ANKIB1: variants seen among roughly 807,000 people sequenced by gnomAD.
ANKIB1 encodes ankyrin repeat and IBR domain containing 1, also known as ankyrin repeat and IBR domain-containing protein 1.
Under a neutral mutation model 122.1 loss-of-function variants are expected in ANKIB1, and 43 were observed. The observed-to-expected ratio is 0.35, with a 90% CI of 0.28 to 0.45. The LOEUF (loss-of-function observed/expected upper bound fraction) is 0.45, where lower values mean the gene tolerates loss of function less well. ANKIB1 is among the 20% of genes least tolerant of loss of function. The pLI is 1.00. For synonymous variants in ANKIB1, 390 were observed against 442.0 expected, an observed-to-expected ratio of 0.88 and a Z score of 1.48; for missense variants, 992 against 1,329.5, an observed-to-expected ratio of 0.75 and a Z score of 3.95.
chr7:92,304,026 T>C (rs1248390597), intron 2 of ANKIB1, among the ~76,000 whole-genome samples: 1 of 151,988 alleles, frequency 6.6e-6, no homozygotes, highest in African/African-American at 2.4e-5. Context: ...TTCCTGTTAA[T>C]TATCTCCTAT....
chr7:92,282,422 G>T (rs1394301930), intron 1 of ANKIB1, among the ~76,000 whole-genome samples: 2 of 152,112 alleles, frequency 1.3e-5, no homozygotes, highest in African/African-American at 4.8e-5. Context: ...GAGATAACAG[G>T]CATGAGCCAC....
chr7:92,361,168 A>G (rs1803937640), intron 9 of ANKIB1, among the ~76,000 whole-genome samples: 1 of 152,212 alleles, frequency 6.6e-6, no homozygotes. Context: ...ACAATATAGC[A>G]TCATCTTGAA....
chr7:92,360,474 ATTTG>A (rs1381461555), intron 9 of ANKIB1, among the ~76,000 whole-genome samples: 1 of 152,032 alleles, frequency 6.6e-6, no homozygotes, highest in Non-Finnish European at 1.5e-5. Flanking sequence ...ATACTGCACA[ATTTG>A]TTTATCCATT....
intron 1 of ANKIB1, among the ~76,000 whole-genome samples, chr7:92,257,361 T>C (rs17164460): frequency 0.034 from 5,191 of 152,236 alleles, 259 homozygotes; most frequent in African/African-American, 0.11. Flanking sequence ...AGCATACTTA[T>C]TAATTTAAGG....
chr7:92,358,664 C>G (rs916526609), intron 9 of ANKIB1, among the ~76,000 whole-genome samples: 5 of 146,484 alleles, frequency 3.4e-5, no homozygotes, highest in Non-Finnish European at 5.9e-5. Flanking sequence ...AGCGTTGATT[C>G]TGCCAGGAAA....
chr7:92,372,105 A>C (rs1316508357), intron 11 of ANKIB1, among the ~76,000 whole-genome samples: 1 of 151,978 alleles, frequency 6.6e-6, no homozygotes, highest in Non-Finnish European at 1.5e-5. Flanking sequence ...AACTAGGCCC[A>C]AATCCAGTCC....
chr7:92,338,768 T>C (rs1456413240), intron 5 of ANKIB1, among the ~76,000 whole-genome samples: 1 of 148,398 alleles, frequency 6.7e-6, no homozygotes, highest in Non-Finnish European at 1.5e-5. Flanking sequence ...AAAAATTAGC[T>C]GGGCGTGGTG....
intron 9 of ANKIB1, among the ~76,000 whole-genome samples, chr7:92,356,035 A>T (rs1803803981): frequency 6.6e-6 from 1 of 152,158 alleles, no homozygotes; most frequent in Admixed American, 6.5e-5. Flanking sequence ...TTTCTAGTCC[A>T]CTTAAGTTTC....
chr7:92,330,864 A>G (rs1227445751), intron 5 of ANKIB1, among the ~76,000 whole-genome samples: 2 of 152,026 alleles, frequency 1.3e-5, no homozygotes, highest in Non-Finnish European at 2.9e-5. Context: ...AAAACAAAAA[A>G]CAAAATATTT....
intron 2 of ANKIB1, among the ~76,000 whole-genome samples, chr7:92,304,919 C>T (rs550931204): frequency 6.6e-6 from 1 of 152,178 alleles, no homozygotes; most frequent in South Asian, 2.1e-4. Flanking sequence ...TCCATGTTCC[C>T]TTATAGTTTG....
In ANKIB1 at chr7:92,263,394, G is replaced by A. The variant is rs17164471; in HGVS notation, c.-91+16875G>A. ...ATTTCATAAAGATAAATGATACTGT[G>A]TTAAAAGAGGTAAAGCTTATATTTC... is the stretch of plus-strand genomic sequence containing the variant. On this transcript the variant is annotated intron_variant, in intron 1 of 19. Coordinates refer to ENST00000265742, the MANE Select transcript of ANKIB1 (RefSeq NM_019004.2). Among the ~76,000 whole-genome samples the A allele has an allele frequency of 0.027, 4,100 of 152,274 alleles. 379 individuals carry two copies. In the East Asian group the frequency reaches 0.35, roughly 13 times the overall value.
chr7:92,268,243 A>G (rs561389932), intron 1 of ANKIB1, among the ~76,000 whole-genome samples: 1 of 152,290 alleles, frequency 6.6e-6, no homozygotes, highest in Non-Finnish European at 1.5e-5. Flanking sequence ...CAGTTCTACT[A>G]AACTATGCTT....
At chr7:92,253,345 A>G (rs1464386536) in intron 1 of ANKIB1, among the ~76,000 whole-genome samples, 1 of 152,160 alleles carries the variant, frequency 6.6e-6, no homozygotes, top group African/African-American at 2.4e-5. Context: ...TACCCCTACT[A>G]ACACACATCA....
chr7:92,339,659 A>G (rs1018243705), intron 5 of ANKIB1, among the ~76,000 whole-genome samples: 3 of 152,314 alleles, frequency 2.0e-5, no homozygotes, highest in South Asian at 4.1e-4. Context: ...CTGCCCTTAA[A>G]TAAGTTTACA....
intron 7 of ANKIB1, among the ~76,000 whole-genome samples, chr7:92,346,640 T>C (rs1260781665): frequency 6.6e-6 from 1 of 152,216 alleles, no homozygotes; most frequent in Non-Finnish European, 1.5e-5. Context: ...AACGCAGTTG[T>C]GGAGGCAGAA....
intron 1 of ANKIB1, among the ~76,000 whole-genome samples, chr7:92,290,016 C>T (rs778044497): frequency 1.6e-4 from 25 of 152,142 alleles, no homozygotes; most frequent in Non-Finnish European, 3.2e-4. Context: ...AGAGTTTTGC[C>T]ATGTTGGCCA....
In ANKIB1 at chr7:92,399,599, G is replaced by A. The variant is rs1804975272; in HGVS notation, c.*650G>A. On this transcript the variant is annotated 3_prime_UTR_variant, in exon 20 of 20. Coordinates refer to ENST00000265742, the MANE Select transcript of ANKIB1 (RefSeq NM_019004.2). ...GCTGACTAACAAGGCATTTAGGTGT[G>A]CAGCATCCTAGAGTGCTCCAGGGCA... 1 of 152,090 alleles carries A rather than the reference G, an allele frequency of 6.6e-6. No homozygotes were observed. The highest frequency in any genetic ancestry group is 2.1e-4 in the South Asian group (1 of 4,822). 9.4% of individuals were successfully genotyped at this position (152,090 alleles called of 1,614,324 possible).
chr7:92,366,731 A>G (rs1442981448), intron 10 of ANKIB1, among the ~76,000 whole-genome samples: 1 of 152,072 alleles, frequency 6.6e-6, no homozygotes, highest in Non-Finnish European at 1.5e-5. Flanking sequence ...ACATCTCCCT[A>G]CTTGCCCTTA....
At position 92,399,481 on chromosome 7, in the gene ANKIB1, T is replaced by C. The variant is rs1392865482; in HGVS notation, c.*532T>C. The C allele has an allele frequency of 1.3e-5, 2 of 152,254 alleles. No homozygotes were observed. Among genetic ancestry groups the C allele is most frequent in the African/African-American group, 2.4e-5 (1 of 41,464 alleles). The allele number at this position is 152,254 out of a possible 1,614,324, so 9.4% of individuals were successfully genotyped here. ...ATTGAAGTCTCTTTAGTACCACATCTACCATAGTGTAATTAGTTTTAATTT... is the reference window on the plus strand; with the variant it reads ...ATTGAAGTCTCTTTAGTACCACATCCACCATAGTGTAATTAGTTTTAATTT... On this transcript the variant is annotated 3_prime_UTR_variant, in exon 20 of 20. Coordinates refer to ENST00000265742, the MANE Select transcript of ANKIB1 (RefSeq NM_019004.2).
Sources: gnomAD v4.1 joint callset for allele counts (sites outside exome capture counted in the v4.1 genomes callset) on GRCh38, gnomAD v4.1.1 for gene constraint, MANE v1.5 for transcripts, NCBI Gene and HGNC (gene_info 2026-07-23, HGNC 2026-07-21) for gene names.